KCND2: variants seen among roughly 807,000 people sequenced by gnomAD.
The protein encoded by KCND2 is A-type voltage-gated potassium channel KCND2.
Under a neutral mutation model 54.4 loss-of-function variants are expected in KCND2, and 16 were observed. That is an observed-to-expected ratio of 0.29 (90% CI 0.20 to 0.45). The LOEUF (loss-of-function observed/expected upper bound fraction) is 0.45. Among genes scored for constraint, KCND2 ranks in the 20% least tolerant of loss-of-function variants. The pLI is 1.00. For synonymous variants in KCND2, 317 were observed against 310.7 expected, an observed-to-expected ratio of 1.02 and a Z score of -0.21; for missense variants, 486 against 824.2, an observed-to-expected ratio of 0.59 and a Z score of 5.02.
chr7:120,332,923 A>G (rs1306843005), intron 1 of KCND2, among the ~76,000 whole-genome samples: 3 of 151,912 alleles, frequency 2.0e-5, no homozygotes, highest in Non-Finnish European at 4.4e-5. Flanking sequence ...CTTATCCAAG[A>G]TAATAGACTT....
At chr7:120,355,128 T>A (rs748431739) in intron 1 of KCND2, among the ~76,000 whole-genome samples, 3 of 152,206 alleles carry the variant, frequency 2.0e-5, no homozygotes, top group Non-Finnish European at 2.9e-5. Context: ...GGGCTACCTC[T>A]CCATAACCCC....
chr7:120,289,020 G>T (rs948106193), intron 1 of KCND2, among the ~76,000 whole-genome samples: 1 of 150,552 alleles, frequency 6.6e-6, no homozygotes, highest in African/African-American at 2.5e-5. Flanking sequence ...AGGCAGAGGT[G>T]GGAGGGCAGA....
At chr7:120,528,222 G>A (rs1336909172) in intron 1 of KCND2, among the ~76,000 whole-genome samples, 1 of 151,958 alleles carries the variant, frequency 6.6e-6, no homozygotes, top group African/African-American at 2.4e-5. Flanking sequence ...ATAAACGACA[G>A]CAGTTATAGA....
At chr7:120,474,520 C>CT (rs746574292) in intron 1 of KCND2, among the ~76,000 whole-genome samples, 3,279 of 140,822 alleles carry the variant, frequency 0.023, 102 homozygotes, top group African/African-American at 0.074. Flanking sequence ...TTTTTCTTTA[C>CT]TTTTTTTTTT....
chr7:120,421,546 G>T (rs748709315), intron 1 of KCND2, among the ~76,000 whole-genome samples: 1 of 152,188 alleles, frequency 6.6e-6, no homozygotes, highest in Non-Finnish European at 1.5e-5. Flanking sequence ...AAACATTTCC[G>T]TGCTGTTGGA....
chr7:120,739,808 C>CAG (rs1448873067), intron 2 of KCND2, among the ~76,000 whole-genome samples: 8 of 142,386 alleles, frequency 5.6e-5, no homozygotes, highest in Non-Finnish European at 1.2e-4. Context: ...AACACACACA[C>CAG]ACACACACAC....
chr7:120,471,519 G>T (rs1355799382), intron 1 of KCND2, among the ~76,000 whole-genome samples: 1 of 152,062 alleles, frequency 6.6e-6, no homozygotes, highest in East Asian at 1.9e-4. Context: ...TGCAGGCAAG[G>T]TATATACCTT....
intron 1 of KCND2, among the ~76,000 whole-genome samples, chr7:120,724,703 A>G (rs1161177955): frequency 6.6e-6 from 1 of 152,184 alleles, no homozygotes; most frequent in Non-Finnish European, 1.5e-5. Flanking sequence ...GCTCCAGGCA[A>G]CAAAGACTAG....
intron 1 of KCND2, among the ~76,000 whole-genome samples, chr7:120,445,398 A>T (rs1802006024): frequency 1.3e-5 from 2 of 152,306 alleles, no homozygotes; most frequent in Admixed American, 1.3e-4. Context: ...TAAGTCAAAT[A>T]GAGAATAATG....
chr7:120,560,295 T>C (rs1162924758), intron 1 of KCND2, among the ~76,000 whole-genome samples: 5 of 152,200 alleles, frequency 3.3e-5, no homozygotes, highest in Admixed American at 6.5e-5. Context: ...GAAGAAATTT[T>C]AACTATTCAG....
intron 1 of KCND2, among the ~76,000 whole-genome samples, chr7:120,435,453 C>A (rs1176881576): frequency 6.6e-6 from 1 of 151,818 alleles, no homozygotes; most frequent in Admixed American, 6.6e-5. Context: ...TCCATTCTTT[C>A]CAGTTTACAT....
At chr7:120,582,113 CAA>C (rs1792523709) in intron 1 of KCND2, among the ~76,000 whole-genome samples, 1 of 152,138 alleles carries the variant, frequency 6.6e-6, no homozygotes, top group Non-Finnish European at 1.5e-5. Flanking sequence ...CTACAACATT[CAA>C]TGGAATTGCT....
chr7:120,358,433 GTCA>G (rs1236486875), intron 1 of KCND2, among the ~76,000 whole-genome samples: 2 of 152,122 alleles, frequency 1.3e-5, no homozygotes, highest in Non-Finnish European at 2.9e-5. Flanking sequence ...GGGATAAGCA[GTCA>G]TCATTGTCTC....
intron 1 of KCND2, among the ~76,000 whole-genome samples, chr7:120,404,345 G>A (rs1305859167): frequency 6.6e-6 from 1 of 152,076 alleles, no homozygotes; most frequent in Non-Finnish European, 1.5e-5. Flanking sequence ...TCCAACCTTT[G>A]CAGCATTACT....
At chr7:120,374,508 A>G (rs1443954303) in intron 1 of KCND2, among the ~76,000 whole-genome samples, 2 of 151,772 alleles carry the variant, frequency 1.3e-5, no homozygotes, top group East Asian at 1.9e-4. Flanking sequence ...GTACCTCCAT[A>G]TAGGTATCTC....
intron 1 of KCND2, among the ~76,000 whole-genome samples, chr7:120,483,564 A>G (rs532343548): frequency 6.6e-6 from 1 of 152,308 alleles, no homozygotes; most frequent in South Asian, 2.1e-4. Flanking sequence ...AAAGATGGAA[A>G]TAAAGAACTC....
intron 1 of KCND2, among the ~76,000 whole-genome samples, chr7:120,455,631 A>T (rs759232111): frequency 1.3e-5 from 2 of 152,194 alleles, no homozygotes; most frequent in Non-Finnish European, 2.9e-5. Context: ...ATACATATAC[A>T]TCATGAAATA....
chr7:120,687,694 A>T (rs918996244), intron 1 of KCND2, among the ~76,000 whole-genome samples: 9 of 152,316 alleles, frequency 5.9e-5, no homozygotes, highest in African/African-American at 2.2e-4. Context: ...GTTGTACATA[A>T]TAAACAAATG....
intron 1 of KCND2, among the ~76,000 whole-genome samples, chr7:120,373,212 C>G (rs1239912210): frequency 6.6e-6 from 1 of 151,756 alleles, no homozygotes; most frequent in Non-Finnish European, 1.5e-5. Context: ...TGATCTAAGG[C>G]TAGATTTTTG....
Sources: gnomAD v4.1 joint callset for allele counts (sites outside exome capture counted in the v4.1 genomes callset) on GRCh38, gnomAD v4.1.1 for gene constraint, MANE v1.5 for transcripts, NCBI Gene and HGNC (gene_info 2026-07-23, HGNC 2026-07-21) for gene names.